Variants in SFMBT2 observed in about 807,000 individuals in gnomAD.
SFMBT2 encodes Scm like with four mbt domains 2.
Under a neutral mutation model 110.1 loss-of-function variants are expected in SFMBT2, and 38 were observed. That is an observed-to-expected ratio of 0.35 (90% CI 0.27 to 0.45). SFMBT2 has a LOEUF of 0.45. Ranked by LOEUF, SFMBT2 falls within the 20% of genes least tolerant of loss-of-function variation. The pLI is 1.00. For synonymous variants in SFMBT2, 425 were observed against 425.4 expected, an observed-to-expected ratio of 1.00 and a Z score of 0.01; for missense variants, 1,011 against 1,094.9, an observed-to-expected ratio of 0.92 and a Z score of 1.08.
At chr10:7,180,046 G>A (rs1838197987) in intron 16 of SFMBT2, among the ~76,000 whole-genome samples, 1 of 152,228 alleles carries the variant, frequency 6.6e-6, no homozygotes, top group South Asian at 2.1e-4. Flanking sequence ...CGTGCTGCCT[G>A]GACCCCTTCA....
intron 4 of SFMBT2, among the ~76,000 whole-genome samples, chr10:7,361,984 T>G (rs1407199001): frequency 6.6e-6 from 1 of 152,180 alleles, no homozygotes; most frequent in East Asian, 1.9e-4. Context: ...ATTAAATGAT[T>G]TCCATACATT....
At chr10:7,260,079 C>A (rs1427317804) in intron 7 of SFMBT2, among the ~76,000 whole-genome samples, 1 of 152,192 alleles carries the variant, frequency 6.6e-6, no homozygotes, top group Non-Finnish European at 1.5e-5. Flanking sequence ...AGGACAATAA[C>A]AATAACTCAA....
intron 4 of SFMBT2, among the ~76,000 whole-genome samples, chr10:7,355,083 T>C (rs1472680750): frequency 6.6e-6 from 1 of 152,228 alleles, no homozygotes; most frequent in Non-Finnish European, 1.5e-5. Flanking sequence ...AGATAAAATA[T>C]CACTATACCC....
In SFMBT2 at chr10:7,171,881, C is replaced by A. The variant is rs373771287; in HGVS notation, c.2415+14G>T. 7.1e-7 allele frequency: 1 copy of A among 1,411,148 alleles called. No individual in the cohort carries two copies. Among genetic ancestry groups the A allele is most frequent in the Non-Finnish European group, 9.2e-7 (1 of 1,085,582 alleles). 87.4% of individuals were successfully genotyped at this position (1,411,148 alleles called of 1,614,324 possible). A position where few individuals can be genotyped will look rare whatever the true frequency, so the allele number is the denominator to read the frequency against. On this transcript the variant is annotated intron_variant, in intron 19 of 20. Coordinates refer to ENST00000397167, the MANE Select transcript of SFMBT2 (RefSeq NM_001387889.1). The surrounding 1 kb of genome is among the most constrained non-coding windows in gnomAD (Gnocchi z 4.9). ...CCCAGCGGGAAGCCCTCTGTCCCCA[C>A]GCCCGGGCATCACCTCTGTCCCCTC... is the stretch of plus-strand genomic sequence containing the variant.
intron 4 of SFMBT2, among the ~76,000 whole-genome samples, chr10:7,362,765 T>C (rs1364862919): frequency 3.3e-5 from 5 of 152,206 alleles, no homozygotes; most frequent in Non-Finnish European, 7.3e-5. Flanking sequence ...TGGGGGAAAA[T>C]TCTACCCAGG....
intron 20 of SFMBT2, chr10:7,164,385 AAAC>A: frequency 1.0e-6 from 1 of 981,786 alleles, no homozygotes; most frequent in South Asian, 4.7e-5. Context: ...GAGACTCTCT[AAAC>A]AACAACAAAA....
At chr10:7,257,098 A>G (rs868183148) in intron 7 of SFMBT2, among the ~76,000 whole-genome samples, 5 of 74,830 alleles carry the variant, frequency 6.7e-5, no homozygotes, top group Admixed American at 1.7e-4. Context: ...TTGGAAAGGG[A>G]AGGGGAGGGG....
intron 6 of SFMBT2, among the ~76,000 whole-genome samples, chr10:7,278,132 T>C (rs1841840081): frequency 6.6e-6 from 1 of 152,226 alleles, no homozygotes; most frequent in Non-Finnish European, 1.5e-5. Flanking sequence ...TAATCCTTTC[T>C]AGTGTTTCCT....
chr10:7,327,847 T>G (rs1014650558), intron 4 of SFMBT2, among the ~76,000 whole-genome samples: 8 of 152,186 alleles, frequency 5.3e-5, no homozygotes, highest in Non-Finnish European at 1.5e-5. Context: ...AATGAATCTG[T>G]TTGTCATTTG....
intron 7 of SFMBT2, among the ~76,000 whole-genome samples, chr10:7,276,409 T>C (rs1460583418): frequency 2.6e-5 from 4 of 152,226 alleles, no homozygotes; most frequent in African/African-American, 9.6e-5. Flanking sequence ...CATCTTGTAA[T>C]ATGGGTCATT....
At chr10:7,339,368 G>A (rs906298020) in intron 4 of SFMBT2, among the ~76,000 whole-genome samples, 30 of 152,198 alleles carry the variant, frequency 2.0e-4, no homozygotes, top group Admixed American at 9.8e-4. Context: ...AAAGGAGTTG[G>A]ATGCTTTGTA....
chr10:7,205,572 T>C (rs139933423), intron 12 of SFMBT2: 10,519 of 985,396 alleles, frequency 0.011, 61 homozygotes, highest in Non-Finnish European at 0.012. Flanking sequence ...TGATTTCAGA[T>C]ATTTTTCCTC....
intron 7 of SFMBT2, among the ~76,000 whole-genome samples, chr10:7,276,570 C>T (rs1423780342): frequency 6.6e-6 from 1 of 152,170 alleles, no homozygotes; most frequent in Non-Finnish European, 1.5e-5. Flanking sequence ...CACTCTGTTG[C>T]CAGGCTGGAG....
chr10:7,286,135 T>A (rs186704389), intron 4 of SFMBT2, among the ~76,000 whole-genome samples, 181 bp from the exon 5 acceptor site: 1 of 152,302 alleles, frequency 6.6e-6, no homozygotes, highest in East Asian at 1.9e-4. Flanking sequence ...TGAAAATGTG[T>A]CTCTAAGTAG....
chr10:7,269,394 C>T (rs978911204), intron 7 of SFMBT2, among the ~76,000 whole-genome samples: 2 of 152,136 alleles, frequency 1.3e-5, no homozygotes, highest in East Asian at 3.8e-4. Context: ...TGAACACATC[C>T]CCCCAACGTG....
rs61836739 is a variant in SFMBT2, at chr10:7,171,227, G to A, written c.2416-171C>T. Among the ~76,000 whole-genome samples the A allele has an allele frequency of 0.024, 3,700 of 152,318 alleles. 117 individuals are homozygous for A. Among genetic ancestry groups the A allele is most frequent in the African/African-American group, 0.071 (2,966 of 41,552 alleles). On this transcript the variant is annotated intron_variant, in intron 19 of 20. Coordinates refer to ENST00000397167, the MANE Select transcript of SFMBT2 (RefSeq NM_001387889.1). The surrounding 1 kb of genome is among the most constrained non-coding windows in gnomAD (Gnocchi z 4.9). ...ACTCTCAGTCCCTGAGAAAGTTCTT[G>A]GCTCAGTGATGATGCCCCCTGCAAT...
intron 15 of SFMBT2, among the ~76,000 whole-genome samples, chr10:7,191,985 G>A (rs1440691404): frequency 1.3e-5 from 2 of 151,866 alleles, no homozygotes; most frequent in South Asian, 2.1e-4. Context: ...GCTATGATAA[G>A]AAAGTTCATC....
chr10:7,208,842 A>T (rs1221478171), intron 11 of SFMBT2, among the ~76,000 whole-genome samples: 1 of 152,192 alleles, frequency 6.6e-6, no homozygotes, highest in Non-Finnish European at 1.5e-5. Context: ...GTATATTGCT[A>T]GGGCCGTCTT....
At chr10:7,190,649 G>A (rs1838570577) in intron 15 of SFMBT2, among the ~76,000 whole-genome samples, 1 of 152,232 alleles carries the variant, frequency 6.6e-6, no homozygotes, top group South Asian at 2.1e-4. Context: ...AAATAACTAA[G>A]TGGACAGCTG....
Sources: allele counts gnomAD v4.1 joint callset (sites outside exome capture counted in the v4.1 genomes callset), GRCh38; gene constraint gnomAD v4.1.1; non-coding constraint Gnocchi (gnomAD v3.1); transcripts MANE v1.5; gene names NCBI Gene and HGNC (gene_info 2026-07-23, HGNC 2026-07-21).